Variants in DPP10 observed in about 807,000 individuals in gnomAD.
DPP10 encodes the protein inactive dipeptidyl peptidase 10.
Under a neutral mutation model 120.9 loss-of-function variants are expected in DPP10, and 33 were observed. The ratio of observed to expected loss-of-function variants is 0.27; its 90% CI spans 0.21 to 0.37. The LOEUF is 0.37. Among genes scored for constraint, DPP10 ranks in the 10% least tolerant of loss-of-function variants. DPP10 has a pLI of 1.00. For synonymous variants in DPP10, 337 were observed against 326.1 expected, an observed-to-expected ratio of 1.03 and a Z score of -0.36; for missense variants, 816 against 942.8, an observed-to-expected ratio of 0.87 and a Z score of 1.76.
intron 2 of DPP10, among the ~76,000 whole-genome samples, chr2:115,330,609 G>A (rs960836546): frequency 6.6e-6 from 1 of 151,884 alleles, no homozygotes; most frequent in Non-Finnish European, 1.5e-5. Context: ...ATTAATTTTT[G>A]TATAAGGTGT....
chr2:115,430,529 C>G (rs2070877604), intron 3 of DPP10, among the ~76,000 whole-genome samples: 1 of 151,994 alleles, frequency 6.6e-6, no homozygotes, highest in African/African-American at 2.4e-5. Context: ...TCAAAGTATT[C>G]AAGTATTTGT....
intron 3 of DPP10, among the ~76,000 whole-genome samples, chr2:115,408,279 G>A (rs111788828): frequency 0.04 from 6,102 of 152,186 alleles, 179 homozygotes; most frequent in Non-Finnish European, 0.056. Context: ...AAATGGTACA[G>A]ACTTCCTGAG....
intron 1 of DPP10, among the ~76,000 whole-genome samples, chr2:115,072,451 A>G (rs920862569): frequency 6.6e-6 from 1 of 152,180 alleles, no homozygotes; most frequent in Non-Finnish European, 1.5e-5. Flanking sequence ...TGTGCCCTTG[A>G]AACAGCAGCC....
intron 5 of DPP10, among the ~76,000 whole-genome samples, chr2:115,657,025 T>C (rs1354275675): frequency 1.3e-5 from 2 of 151,710 alleles, no homozygotes; most frequent in African/African-American, 4.8e-5. Context: ...GACAGTATTG[T>C]GCACTTTAAA....
At position 115,183,386 on chromosome 2, in the gene DPP10, C is replaced by T. The variant is rs548606395; in HGVS notation, c.61-125853C>T. Among the ~76,000 whole-genome samples, 7 of 152,186 alleles carry T rather than the reference C, an allele frequency of 4.6e-5. No homozygotes were observed. In the South Asian group the frequency reaches 1.5e-3, roughly 32 times the overall value. The stretch of plus-strand genomic sequence containing the variant: ...CTACCTTGGTGCTTTGGGTTAAATG[C>T]CCCCCAGCGGTCATCCAATAGAACC... On this transcript the variant is annotated intron_variant, in intron 1 of 25. Coordinates refer to ENST00000410059, the MANE Select transcript of DPP10 (RefSeq NM_020868.6).
Position 115,791,318 on chromosome 2 carries a change from T to C in DPP10, c.1662T>C (p.Asp554=). The C allele has an allele frequency of 6.2e-7, 1 of 1,611,850 alleles. No homozygotes were observed. The highest frequency in any genetic ancestry group is 8.5e-7 in the Non-Finnish European group (1 of 1,179,328). The change falls in exon 19 of 26, where the codon GAT becomes GAC. Residue 554 remains aspartate, a synonymous_variant. Transcript: ENST00000410059. Reference sequence around the variant, plus strand: ...CTTTACAGTTGTCCCTTCCCAAAGATTTTATGGACCGAAACCAGTATGCTC... The same window carrying C: ...CTTTACAGTTGTCCCTTCCCAAAGACTTTATGGACCGAAACCAGTATGCTC... The part of the protein sequence containing the change: ...ELPLQLSLPK[D]FMDRNQYALL...
intron 1 of DPP10, among the ~76,000 whole-genome samples, chr2:114,805,515 A>G (rs1684647933): frequency 6.6e-6 from 1 of 152,202 alleles, no homozygotes; most frequent in Non-Finnish European, 1.5e-5. Flanking sequence ...GACACATAGA[A>G]AACCTAATAT....
At chr2:115,091,338 C>T (rs188828441) in intron 1 of DPP10, among the ~76,000 whole-genome samples, 3 of 152,314 alleles carry the variant, frequency 2.0e-5, no homozygotes, top group East Asian at 1.9e-4. Context: ...TTTTCAGATT[C>T]ATTCACTCAC....
chr2:115,305,520 G>C (rs576205212), intron 1 of DPP10, among the ~76,000 whole-genome samples: 1 of 151,886 alleles, frequency 6.6e-6, no homozygotes, highest in Non-Finnish European at 1.5e-5. Flanking sequence ...ATTGCTTGAG[G>C]CCAGGAGTTT....
chr2:114,671,125 A>G (rs899808198), intron 1 of DPP10, among the ~76,000 whole-genome samples: 11 of 152,254 alleles, frequency 7.2e-5, no homozygotes, highest in Non-Finnish European at 1.5e-4. Context: ...TATTGATATT[A>G]TGGGTTTAAG....
intron 7 of DPP10, among the ~76,000 whole-genome samples, chr2:115,704,663 G>A (rs2092029676): frequency 6.6e-6 from 1 of 151,986 alleles, no homozygotes; most frequent in Non-Finnish European, 1.5e-5. Context: ...TCATGTATGA[G>A]AAGATAGATC....
chr2:114,977,398 T>A (rs1183564014), intron 1 of DPP10, among the ~76,000 whole-genome samples: 1 of 152,192 alleles, frequency 6.6e-6, no homozygotes, highest in African/African-American at 2.4e-5. Flanking sequence ...GTACCTTTGC[T>A]TTTCCTTTGA....
intron 1 of DPP10, among the ~76,000 whole-genome samples, chr2:114,824,056 C>T (rs1686321537): frequency 6.6e-6 from 1 of 152,114 alleles, no homozygotes; most frequent in African/African-American, 2.4e-5. Flanking sequence ...AGAGTACCAG[C>T]AATTTTTAAT....
chr2:115,821,203 A>C (rs1225455257), intron 21 of DPP10, among the ~76,000 whole-genome samples: 3 of 152,214 alleles, frequency 2.0e-5, no homozygotes, highest in African/African-American at 7.2e-5. Context: ...GGTGCATTAA[A>C]GTATCCCTTT....
chr2:115,796,541 T>C (rs1265287706), intron 19 of DPP10, among the ~76,000 whole-genome samples: 3 of 152,148 alleles, frequency 2.0e-5, no homozygotes, highest in African/African-American at 7.2e-5. Flanking sequence ...GAGTTTATAA[T>C]TGATTTCTGT....
intron 1 of DPP10, among the ~76,000 whole-genome samples, chr2:114,703,830 G>T (rs1414076891): frequency 6.6e-6 from 1 of 152,118 alleles, no homozygotes; most frequent in Non-Finnish European, 1.5e-5. Flanking sequence ...TATTCTCAAT[G>T]CCAAGAGGGA....
At chr2:115,558,141 C>T (rs1397377653) in intron 5 of DPP10, among the ~76,000 whole-genome samples, 2 of 152,180 alleles carry the variant, frequency 1.3e-5, no homozygotes, top group African/African-American at 4.8e-5. Flanking sequence ...CTGAAAACAA[C>T]TCCCAGGAGA....
chr2:115,013,229 G>A (rs903354692), intron 1 of DPP10, among the ~76,000 whole-genome samples: 11 of 152,084 alleles, frequency 7.2e-5, no homozygotes, highest in African/African-American at 2.7e-4. Flanking sequence ...TTCTGTAAAG[G>A]ATTTTATTTT....
intron 1 of DPP10, among the ~76,000 whole-genome samples, chr2:114,869,987 G>A (rs901109861): frequency 6.6e-6 from 1 of 152,104 alleles, no homozygotes; most frequent in Non-Finnish European, 1.5e-5. Context: ...ATGATCACCA[G>A]GTAGGAAAAG....
Sources: allele counts gnomAD v4.1 joint callset (sites outside exome capture counted in the v4.1 genomes callset), GRCh38; gene constraint gnomAD v4.1.1; transcripts MANE v1.5; gene names NCBI Gene and HGNC (gene_info 2026-07-23, HGNC 2026-07-21).